The following PKHD1 variants were observed in gnomAD, a reference collection of about 807,000 sequenced individuals.
The protein encoded by PKHD1 is PKHD1 ciliary IPT domain containing fibrocystin/polyductin, also known as fibrocystin.
A neutral mutation model predicts 412.0 loss-of-function variants in PKHD1; 291 were observed. That is an observed-to-expected ratio of 0.71 (90% CI 0.64 to 0.78). The LOEUF (loss-of-function observed/expected upper bound fraction) is 0.78, where lower values mean the gene tolerates loss of function less well. PKHD1 is among the 30% of genes least tolerant of loss of function. The pLI, the probability that PKHD1 is intolerant of heterozygous loss-of-function variation, is 0.00. For synonymous variants in PKHD1, 1,777 were observed against 1,821.5 expected (o/e 0.98, Z 0.62); for missense variants, 4,825 against 4,950.7 (o/e 0.97, Z 0.76).
intron 53 of PKHD1, among the ~76,000 whole-genome samples, chr6:51,789,783 T>C (rs1293638674): frequency 2.0e-5 from 3 of 152,118 alleles, no homozygotes; most frequent in African/African-American, 7.2e-5. Context: ...GGTTATAAAC[T>C]GTATGACCTA....
At chr6:52,012,931 A>G (rs970978514) in intron 34 of PKHD1, among the ~76,000 whole-genome samples, 7 of 152,228 alleles carry the variant, frequency 4.6e-5, no homozygotes, top group African/African-American at 1.7e-4. Flanking sequence ...GAATTTTGTC[A>G]GGGATAACAC....
At chr6:51,777,856 C>G (rs1230935088) in intron 53 of PKHD1, among the ~76,000 whole-genome samples, 2 of 152,024 alleles carry the variant, frequency 1.3e-5, no homozygotes, top group Non-Finnish European at 2.9e-5. Context: ...AACACTGCAG[C>G]ACATGTGGAG....
At chr6:51,769,732 C>G (rs377422836) in intron 55 of PKHD1, among the ~76,000 whole-genome samples, 18 of 151,210 alleles carry the variant, frequency 1.2e-4, no homozygotes, top group African/African-American at 3.9e-4. Context: ...TTTAGAATAA[C>G]TGTCAATATG....
rs1791845810 is a variant in PKHD1, at chr6:51,960,485, T to C, written c.5752-459A>G. The stretch of plus-strand genomic sequence containing the variant: ...TGGAATAGGGAGAATTAAAATGTTC[T>C]GCTTGATGGGTGGCATTTTGCTTTA... On this transcript the variant is annotated intron_variant, in intron 35 of 66. Transcript: ENST00000371117. Among the ~76,000 whole-genome samples the C allele has an allele frequency of 2.6e-5, 4 of 152,168 alleles. No homozygotes were observed. The South Asian group carries it at 8.3e-4, about 31-fold the overall frequency.
At chr6:51,841,536 G>A (rs1265316917) in intron 50 of PKHD1, among the ~76,000 whole-genome samples, 1 of 152,168 alleles carries the variant, frequency 6.6e-6, no homozygotes, top group Non-Finnish European at 1.5e-5. Context: ...ATAAAGGTTA[G>A]TGCAGTTCCC....
intron 52 of PKHD1, among the ~76,000 whole-genome samples, chr6:51,819,824 T>C (rs1640478113): frequency 1.3e-5 from 2 of 152,204 alleles, no homozygotes; most frequent in Admixed American, 6.5e-5. Context: ...TTAATCTCTT[T>C]TAGCTCTCTT....
At chr6:51,923,139 A>G (rs146157627) in intron 37 of PKHD1, among the ~76,000 whole-genome samples, 253 of 152,326 alleles carry the variant, frequency 1.7e-3, no homozygotes, top group African/African-American at 5.7e-3. Flanking sequence ...GGACATGGAC[A>G]TACATGGGTG....
At chr6:51,978,405 T>C (rs889388843) in intron 35 of PKHD1, among the ~76,000 whole-genome samples, 3 of 152,138 alleles carry the variant, frequency 2.0e-5, no homozygotes, top group Non-Finnish European at 4.4e-5. Context: ...CATTTCAGTG[T>C]TCAAGGGCTG....
In PKHD1 at chr6:51,632,556, A is replaced by G; in HGVS notation, c.11665+9T>C. 2 of 1,609,048 alleles carry G rather than the reference A, an allele frequency of 1.2e-6. No individual in the cohort carries two copies. Among genetic ancestry groups the G allele is most frequent in the Non-Finnish European group, 8.5e-7 (1 of 1,176,636 alleles). ...ATTTTCATTCCAAAATAAAAAAAAAACTACATACTTCTGCTTTTGCTTCTT... is the reference window on the plus strand; with the variant it reads ...ATTTTCATTCCAAAATAAAAAAAAAGCTACATACTTCTGCTTTTGCTTCTT... On this transcript the variant is annotated intron_variant, in intron 65 of 66. Coordinates refer to ENST00000371117, the MANE Select transcript of PKHD1 (RefSeq NM_138694.4).
chr6:51,656,806 A>G (rs1206203519), intron 61 of PKHD1, among the ~76,000 whole-genome samples: 1 of 151,704 alleles, frequency 6.6e-6, no homozygotes, highest in Non-Finnish European at 1.5e-5. Flanking sequence ...ACAGGCATGC[A>G]CCATCACATC....
At chr6:51,870,435 C>A (rs1170375583) in intron 47 of PKHD1, 69 bp downstream of exon 47, 10 of 1,224,954 alleles carry the variant, frequency 8.2e-6, no homozygotes, top group East Asian at 2.3e-5. Flanking sequence ...AAAGTATTTG[C>A]CACTATTTAT....
chr6:51,819,269 T>A (rs1765983964), intron 52 of PKHD1, among the ~76,000 whole-genome samples: 1 of 152,194 alleles, frequency 6.6e-6, no homozygotes. Flanking sequence ...ATAAAAGGAT[T>A]TGAAAAGACC....
intron 60 of PKHD1, among the ~76,000 whole-genome samples, chr6:51,665,488 T>C (rs1372318192): frequency 6.6e-6 from 1 of 152,130 alleles, no homozygotes; most frequent in Non-Finnish European, 1.5e-5. Context: ...AAACAATTAG[T>C]CATCTCTGAT....
chr6:52,080,411 T>C (rs1439175720), intron 4 of PKHD1, among the ~76,000 whole-genome samples: 1 of 152,214 alleles, frequency 6.6e-6, no homozygotes, highest in Non-Finnish European at 1.5e-5. Context: ...ATTTAGGCTC[T>C]TTCTGATAAT....
chr6:51,800,711 A>G (rs2151319778), intron 52 of PKHD1, among the ~76,000 whole-genome samples: 1 of 152,332 alleles, frequency 6.6e-6, no homozygotes, highest in East Asian at 1.9e-4. Context: ...GGTCACATGA[A>G]CAGGCATAAT....
chr6:51,993,071 A>G (rs1203013612), intron 35 of PKHD1, among the ~76,000 whole-genome samples: 1 of 152,214 alleles, frequency 6.6e-6, no homozygotes, highest in Non-Finnish European at 1.5e-5. Flanking sequence ...ACCAGTCCGG[A>G]TTTGCTACAG....
chr6:52,045,513 C>A (rs1425040365), intron 24 of PKHD1, among the ~76,000 whole-genome samples: 1 of 152,202 alleles, frequency 6.6e-6, no homozygotes, highest in Non-Finnish European at 1.5e-5. Context: ...CAACACCATA[C>A]AACTAGGAAA....
At chr6:51,811,290 G>A (rs761101651) in intron 52 of PKHD1, among the ~76,000 whole-genome samples, 20 of 152,094 alleles carry the variant, frequency 1.3e-4, no homozygotes, top group Non-Finnish European at 2.4e-4. Context: ...CTTGAACAAT[G>A]AGGCATAAAT....
chr6:52,057,356 C>T (rs1807915937), intron 16 of PKHD1, among the ~76,000 whole-genome samples: 1 of 152,158 alleles, frequency 6.6e-6, no homozygotes, highest in Non-Finnish European at 1.5e-5. Context: ...CTCTGCTTTG[C>T]TTCCAACACA....
Sources: allele counts gnomAD v4.1 joint callset (sites outside exome capture counted in the v4.1 genomes callset), GRCh38; gene constraint gnomAD v4.1.1; transcripts MANE v1.5; gene names NCBI Gene and HGNC (gene_info 2026-07-23, HGNC 2026-07-21).